Variants in NME7 observed in about 807,000 individuals in gnomAD.
The protein encoded by NME7 is NME/NM23 family member 7.
NME7 carries 41 observed loss-of-function variants against 49.1 expected under a neutral mutation model. That is an observed-to-expected ratio of 0.83 (90% CI 0.65 to 1.08). The LOEUF is 1.08. NME7 is among the 50% of genes least tolerant of loss of function. NME7 has a pLI of 0.00. For synonymous variants in NME7, 139 were observed against 150.6 expected (o/e 0.92, Z 0.56); for missense variants, 423 against 463.4 (o/e 0.91, Z 0.80).
intron 5 of NME7, 35 bp from the exon 6 acceptor site, chr1:169,298,798 T>C (rs770423989): frequency 6.4e-7 from 1 of 1,563,792 alleles, no homozygotes; most frequent in Admixed American, 1.7e-5. Flanking sequence ...TTGCTTCTTT[T>C]TTCTGTCAAC....
At chr1:169,282,264 A>AGTTTGT (rs2101889903) in intron 7 of NME7, among the ~76,000 whole-genome samples, 1 of 152,284 alleles carries the variant, frequency 6.6e-6, no homozygotes. Flanking sequence ...CTCTGACGGT[A>AGTTTGT]GTTTGTGTTT....
At chr1:169,179,547 T>C (rs1460468224) in intron 10 of NME7, among the ~76,000 whole-genome samples, 7 of 152,122 alleles carry the variant, frequency 4.6e-5, no homozygotes, top group African/African-American at 7.2e-5. Flanking sequence ...AGCAAAGACA[T>C]AGAATCAACC....
intron 6 of NME7, among the ~76,000 whole-genome samples, chr1:169,293,930 A>AC (rs1650612287): frequency 6.6e-6 from 1 of 151,990 alleles, no homozygotes. Context: ...GGTGTCATAG[A>AC]CTTTTTTTTA....
intron 5 of NME7, among the ~76,000 whole-genome samples, chr1:169,299,548 C>A (rs937792528): frequency 3.9e-5 from 6 of 152,014 alleles, no homozygotes; most frequent in African/African-American, 1.4e-4. Context: ...TTAGAGTAAG[C>A]CCATGGTTTT....
chr1:169,216,421 G>T (rs1660975796), intron 10 of NME7, among the ~76,000 whole-genome samples: 1 of 152,330 alleles, frequency 6.6e-6, no homozygotes, highest in South Asian at 2.1e-4. Context: ...CTTCCAGATA[G>T]CTGAGCAAAT....
chr1:169,256,637 G>A (rs868237664), intron 7 of NME7, among the ~76,000 whole-genome samples: 1,823 of 125,762 alleles, frequency 0.014, 234 homozygotes, highest in African/African-American at 0.046. Context: ...GAGGAGAGGC[G>A]CTCTGCTTTT....
intron 1 of NME7, among the ~76,000 whole-genome samples, chr1:169,355,586 G>C (rs1451390459): frequency 6.6e-6 from 1 of 151,038 alleles, no homozygotes; most frequent in African/African-American, 2.4e-5. Context: ...AATAAACCAA[G>C]CAGGCTCCCA....
chr1:169,352,384 C>T (rs753645281), intron 1 of NME7, among the ~76,000 whole-genome samples: 1 of 151,966 alleles, frequency 6.6e-6, no homozygotes, highest in Admixed American at 6.6e-5. Context: ...AACATCCCTT[C>T]TTGTTAAAAA....
chr1:169,159,708 G>A (rs951966356), intron 11 of NME7, among the ~76,000 whole-genome samples: 1 of 152,170 alleles, frequency 6.6e-6, no homozygotes, highest in South Asian at 2.1e-4. Flanking sequence ...GAGTCCGCAG[G>A]ATAAGAATCT....
chr1:169,191,980 C>T (rs1252942200), intron 10 of NME7, among the ~76,000 whole-genome samples: 1 of 152,114 alleles, frequency 6.6e-6, no homozygotes, highest in African/African-American at 2.4e-5. Context: ...AGCTGAATCA[C>T]AATTTTCAAT....
At chr1:169,333,493 A>ATAAAAG (rs1553195032) in intron 1 of NME7, among the ~76,000 whole-genome samples, 1 of 112,802 alleles carries the variant, frequency 8.9e-6, no homozygotes, top group Non-Finnish European at 2.3e-5. Flanking sequence ...TAACAAAAGG[A>ATAAAAG]TATCAAAAGG....
chr1:169,247,235 G>C (rs946753729), intron 7 of NME7, among the ~76,000 whole-genome samples: 2 of 152,224 alleles, frequency 1.3e-5, no homozygotes, highest in Non-Finnish European at 2.9e-5. Context: ...TAGGTCATAT[G>C]AAGTCTAAAG....
At chr1:169,252,392 AC>A (rs1487062921) in intron 7 of NME7, among the ~76,000 whole-genome samples, 5 of 151,956 alleles carry the variant, frequency 3.3e-5, no homozygotes, top group Non-Finnish European at 7.4e-5. Flanking sequence ...TCCTTCACCC[AC>A]TTTTTGATGG....
intron 10 of NME7, among the ~76,000 whole-genome samples, chr1:169,199,889 T>C (rs1383307259): frequency 6.6e-6 from 1 of 152,154 alleles, no homozygotes; most frequent in African/African-American, 2.4e-5. Context: ...GACTTTGGCC[T>C]AACTCTTCAG....
intron 10 of NME7, among the ~76,000 whole-genome samples, chr1:169,206,932 A>G (rs1324979105): frequency 6.6e-6 from 1 of 152,190 alleles, no homozygotes; most frequent in African/African-American, 2.4e-5. Context: ...TCAGTCAGAT[A>G]TTAGTGAAAA....
In NME7 at chr1:169,342,880, A is replaced by G. The variant is rs34088496; in HGVS notation, c.4-18380T>C. ...ATATATACAAGTACATATATATAGTATATATACATATATACAAGTACATAT... is the reference window on the plus strand; with the variant it reads ...ATATATACAAGTACATATATATAGTGTATATACATATATACAAGTACATAT... On this transcript the variant is annotated intron_variant, in intron 1 of 11. Transcript: ENST00000367811. Among the ~76,000 whole-genome samples the G allele has an allele frequency of 8.6e-4, 42 of 48,886 alleles. 2 individuals are homozygous for G. The highest frequency in any genetic ancestry group is 2.5e-3 in the African/African-American group (39 of 15,532). 32.1% of individuals were successfully genotyped at this position (48,886 alleles called of 152,430 possible).
intron 9 of NME7, among the ~76,000 whole-genome samples, chr1:169,232,797 C>CA (rs754422740): frequency 5.3e-5 from 8 of 150,392 alleles, no homozygotes; most frequent in Non-Finnish European, 8.9e-5. Context: ...AAATGCCAGA[C>CA]AAAAATATAA....
intron 11 of NME7, among the ~76,000 whole-genome samples, chr1:169,139,330 A>G (rs1658523703): frequency 1.3e-5 from 2 of 152,208 alleles, no homozygotes; most frequent in Admixed American, 6.5e-5. Flanking sequence ...TGGTATTATT[A>G]GTCCCATTTT....
rs540312673 is a variant in NME7, at chr1:169,268,864, G to A, written c.754+18439C>T. ...GTACTGTGCTTGGTAATGGGGTGAC[G>A]AAATAATCTGTTAACTAAACCCCGA... On this transcript the variant is annotated intron_variant, in intron 7 of 11. Coordinates refer to ENST00000367811, the MANE Select transcript of NME7 (RefSeq NM_013330.5). Among the ~76,000 whole-genome samples the A allele has an allele frequency of 1.5e-5, 2 of 132,894 alleles. 1 individual carries two copies. Among genetic ancestry groups the A allele is most frequent in the South Asian group, 4.6e-4 (2 of 4,324 alleles). 87.2% of individuals were successfully genotyped at this position (132,894 alleles called of 152,430 possible). A position where few individuals can be genotyped will look rare whatever the true frequency, so the allele number is the denominator to read the frequency against.
Sources: gnomAD v4.1 joint callset for allele counts (sites outside exome capture counted in the v4.1 genomes callset) on GRCh38, gnomAD v4.1.1 for gene constraint, MANE v1.5 for transcripts, NCBI Gene and HGNC (gene_info 2026-07-23, HGNC 2026-07-21) for gene names.